Variants in FAM50B observed in about 807,000 individuals in gnomAD.
FAM50B encodes protein FAM50B.
In FAM50B, 9 loss-of-function variants were observed where a neutral mutation model predicts 25.4. The ratio of observed to expected loss-of-function variants is 0.35; its 90% CI spans 0.21 to 0.62. The LOEUF (loss-of-function observed/expected upper bound fraction) is 0.62. Among genes scored for constraint, FAM50B ranks in the 20% least tolerant of loss-of-function variants. The pLI is 0.73. For missense variants in FAM50B, 372 were observed against 477.9 expected (o/e 0.78, Z 2.07); for synonymous variants, 212 against 204.3 (o/e 1.04, Z -0.32).
Position 3,851,126 on chromosome 6 carries a change from T to A in FAM50B, c.*337T>A. 3.4e-6 allele frequency: 1 copy of A among 297,590 alleles called. No homozygotes were observed. The highest frequency in any genetic ancestry group is 6.7e-6 in the Non-Finnish European group (1 of 148,672). The allele number at this position is 297,590 out of a possible 1,614,324, so 18.4% of individuals were successfully genotyped here. ...GCATGGACTTGGGGGCCACAGTGACTGAGTTTGATTCCCGACACAGCCTCC... is the reference window on the plus strand; with the variant it reads ...GCATGGACTTGGGGGCCACAGTGACAGAGTTTGATTCCCGACACAGCCTCC... On this transcript the variant is annotated 3_prime_UTR_variant, in exon 2 of 2. Transcript: ENST00000648326.
upstream of FAM50B, among the ~76,000 whole-genome samples, chr6:3,848,065 T>C (rs1762142646): frequency 1.3e-5 from 2 of 152,228 alleles, no homozygotes; most frequent in Non-Finnish European, 1.5e-5. Context: ...CAGATCACCA[T>C]AGCAGATATC....
the FAM50B span, among the ~76,000 whole-genome samples, chr6:3,842,799 T>C: frequency 1.3e-5 from 2 of 152,248 alleles, no homozygotes; most frequent in Admixed American, 6.5e-5. Context: ...AAGCATATTA[T>C]GAAAATAACA....
chr6:3,850,280 G>T lies in FAM50B; in HGVS notation c.469G>T (p.Asp157Tyr). 3 of 1,613,094 alleles carry T rather than the reference G, an allele frequency of 1.9e-6. No individual in the cohort carries two copies. The highest frequency in any genetic ancestry group is 2.2e-5 in the East Asian group (1 of 44,864). Residue 157 changes from aspartate to tyrosine, a missense_variant, in exon 2 of 2, where the codon GAC becomes TAC. Asp to Tyr is a radical substitution (Grantham distance 160, BLOSUM62 -3). This residue lies in a region of FAM50B where 224 missense variants were observed against 232.2 expected (regional missense o/e 0.96). Coordinates refer to ENST00000648326, the MANE Select transcript of FAM50B (RefSeq NM_012135.3). ...GGACACCAGCTTCCTGCCAGACCGC[G>T]ACCGCGAGGAGGAGGAGAACCGGCT... Reference protein sequence around the residue: ...DVDTSFLPDRDREEEENRLRE... With the variant: ...DVDTSFLPDRYREEEENRLRE...
At chr6:3,848,281 CAAT>C (rs1232103895), upstream of FAM50B, among the ~76,000 whole-genome samples, 1 of 152,078 alleles carries the variant, frequency 6.6e-6, no homozygotes, top group Non-Finnish European at 1.5e-5. Context: ...GATGGGGCAA[CAAT>C]GAGAAGGCTT....
chr6:3,841,162 A>G, the FAM50B span, among the ~76,000 whole-genome samples: 417 of 152,366 alleles, frequency 2.7e-3, 5 homozygotes, highest in African/African-American at 8.8e-3. Flanking sequence ...TCCTGTGTAT[A>G]CATTGCACAA....
the FAM50B span, among the ~76,000 whole-genome samples, chr6:3,834,260 A>C: frequency 1.3e-5 from 2 of 151,878 alleles, no homozygotes; most frequent in African/African-American, 4.8e-5. Context: ...TATGAAATTC[A>C]TATATGTATA....
In FAM50B at chr6:3,849,919, C is replaced by T. The variant is rs530034568; in HGVS notation, c.108C>T (p.Ala36=). 2.5e-6 allele frequency: 4 copies of T among 1,613,614 alleles called. No homozygotes were observed. The highest frequency in any genetic ancestry group is 1.7e-5 in the Admixed American group (1 of 60,018). Residue 36 remains alanine, a synonymous_variant, in exon 2 of 2, where the codon GCC becomes GCT. Transcript: ENST00000648326. ...EQMEVLKQRI[A]EETILKSQVD... is the part of the protein sequence containing the mutation. ...TGGAGGTGCTGAAGCAGCGCATCGC[C>T]GAGGAGACCATCCTCAAGTCGCAGG... is the stretch of plus-strand genomic sequence containing the variant.
At chr6:3,839,051 A>G in the FAM50B span, among the ~76,000 whole-genome samples, 2 of 151,874 alleles carry the variant, frequency 1.3e-5, no homozygotes, top group Admixed American at 1.3e-4. Context: ...TTGTGTTGCT[A>G]TAAATACCTG....
chr6:3,842,122 C>T, the FAM50B span, among the ~76,000 whole-genome samples: 1 of 152,264 alleles, frequency 6.6e-6, no homozygotes, highest in Non-Finnish European at 1.5e-5. Context: ...AGGACCTGAA[C>T]CACCTGCTTT....
chr6:3,844,658 C>T (rs149086182), upstream of FAM50B, among the ~76,000 whole-genome samples: 538 of 152,178 alleles, frequency 3.5e-3, 5 homozygotes, highest in African/African-American at 0.013. Flanking sequence ...TTGCAGTGGG[C>T]CGAGATCGCA....
chr6:3,835,631 A>C, the FAM50B span, among the ~76,000 whole-genome samples: 2 of 152,218 alleles, frequency 1.3e-5, no homozygotes, highest in Non-Finnish European at 2.9e-5. Context: ...CCCTTGTTTC[A>C]CGTCTTGTGA....
chr6:3,850,721 A>G lies in FAM50B; in HGVS notation c.910A>G (p.Ile304Val), dbSNP rs369071179. 6.2e-6 allele frequency: 10 copies of G among 1,613,932 alleles called. No homozygotes were observed. The African/African-American group carries it at 1.3e-4, about 22-fold the overall frequency. Reference protein sequence around the residue: ...LRSWYEKNKHIFPASRWEAYD... With the variant: ...LRSWYEKNKHVFPASRWEAYD... ...CAGCTGGTACGAGAAGAACAAGCAC[A>G]TCTTCCCCGCCAGCCGCTGGGAGGC... The change falls in exon 2 of 2, where the codon ATC (isoleucine) becomes GTC (valine). Residue 304 changes from isoleucine to valine, a missense_variant. By Grantham distance (29) the Ile-to-Val change is conservative. Around this residue, in one of 4 missense-constraint regions of FAM50B, gnomAD observed 57 missense variants for 65.8 expected, o/e 0.87. Transcript: ENST00000648326.
chr6:3,842,979 T>G, the FAM50B span, among the ~76,000 whole-genome samples: 1 of 152,240 alleles, frequency 6.6e-6, no homozygotes, highest in East Asian at 1.9e-4. Context: ...TTTTCATGTA[T>G]GTATTCATAA....
the FAM50B span, among the ~76,000 whole-genome samples, chr6:3,843,553 G>A: frequency 2.0e-5 from 3 of 152,094 alleles, no homozygotes; most frequent in Non-Finnish European, 2.9e-5. Flanking sequence ...TCTCTCTCAC[G>A]TGGTGTGGAT....
the FAM50B span, among the ~76,000 whole-genome samples, chr6:3,836,149 C>T: frequency 6.6e-6 from 1 of 152,178 alleles, no homozygotes; most frequent in African/African-American, 2.4e-5. Context: ...AATAAAACAA[C>T]ACAGCAGTAG....
chr6:3,838,482 G>A, the FAM50B span, among the ~76,000 whole-genome samples: 6 of 152,232 alleles, frequency 3.9e-5, no homozygotes, highest in South Asian at 1.2e-3. Context: ...AGCCAAGGCA[G>A]GCAGATCACC....
Position 3,851,251 on chromosome 6 carries a change from TGTGA to T in FAM50B, c.*465_*468del, listed in dbSNP as rs1342619230. On this transcript the variant is annotated 3_prime_UTR_variant, in exon 2 of 2. Coordinates refer to ENST00000648326, the MANE Select transcript of FAM50B (RefSeq NM_012135.3). ...AAGAGCACTTACTTTATAAGATTGA[TGTGA>T]GTATTAAGTGAATTAATATTTGTAA... 16 of 189,762 alleles carry T rather than the reference TGTGA, an allele frequency of 8.4e-5. 1 individual carries two copies. The allele number at this position is 189,762 out of a possible 1,614,324, so 11.8% of individuals were successfully genotyped here.
At chr6:3,848,858 G>T (rs1561774718), upstream of FAM50B, among the ~76,000 whole-genome samples, 3 of 152,184 alleles carry the variant, frequency 2.0e-5, no homozygotes, top group African/African-American at 7.2e-5. Flanking sequence ...CGAAACTGGG[G>T]GGCGAGTAGG....
Position 3,850,746 on chromosome 6 carries a change from C to T in FAM50B, c.935C>T (p.Ala312Val), listed in dbSNP as rs1762207689. The part of the protein sequence containing the change: ...KHIFPASRWE[A>V]YDPEKKWDKY... ...ATCTTCCCCGCCAGCCGCTGGGAGG[C>T]CTATGACCCCGAGAAGAAGTGGGAC... is the stretch of plus-strand genomic sequence containing the variant. Residue 312 changes from alanine to valine, a missense_variant, in exon 2 of 2, where the codon GCC becomes GTC. By Grantham distance (64) the Ala-to-Val change is moderately conservative. Coordinates refer to ENST00000648326, the MANE Select transcript of FAM50B (RefSeq NM_012135.3). 1 of 1,614,008 alleles carries T rather than the reference C, an allele frequency of 6.2e-7. No individual in the cohort carries two copies. The highest frequency in any genetic ancestry group is 1.1e-5 in the South Asian group (1 of 91,080).
Sources: allele counts gnomAD v4.1 joint callset (sites outside exome capture counted in the v4.1 genomes callset), GRCh38; gene constraint gnomAD v4.1.1; regional missense constraint gnomAD v4.1.1; transcripts MANE v1.5; gene names NCBI Gene and HGNC (gene_info 2026-07-23, HGNC 2026-07-21).